Variants in CPT1C observed in about 807,000 individuals in gnomAD.
The protein encoded by CPT1C is carnitine palmitoyltransferase 1C.
A neutral mutation model predicts 97.3 loss-of-function variants in CPT1C; 61 were observed. The ratio of observed to expected loss-of-function variants is 0.63; its 90% CI spans 0.51 to 0.78. The LOEUF is 0.78. Among genes scored for constraint, CPT1C ranks in the 30% least tolerant of loss-of-function variants. The pLI, the probability that CPT1C is intolerant of heterozygous loss-of-function variation, is 0.00. For missense variants in CPT1C, 975 were observed against 1,065.5 expected (o/e 0.92, Z 1.18); for synonymous variants, 469 against 447.2 (o/e 1.05, Z -0.61).
At chr19:49,705,164 TG>T in intron 9 of CPT1C, 49 bp from the exon 10 acceptor site, 1 of 1,612,372 alleles carries the variant, frequency 6.2e-7, no homozygotes, top group Admixed American at 1.7e-5. Context: ...CTGTGGCCTT[TG>T]GGCCACGTGG....
At chr19:49,700,927 T>TGTCCCCCTCTCTCTCTGTGTCTCC in intron 5 of CPT1C, 72 bp downstream of exon 5, 1 of 1,514,938 alleles carries the variant, frequency 6.6e-7, no homozygotes, top group South Asian at 1.1e-5. Flanking sequence ...TCTGGGTCTC[T>TGTCCCCCTCTCTCTCTGTGTCTCC]GTCCCCCTCT....
At chr19:49,710,960 C>T in intron 16 of CPT1C, 103 bp downstream of exon 16, 1 of 1,229,098 alleles carries the variant, frequency 8.1e-7, no homozygotes, top group East Asian at 2.5e-5. Flanking sequence ...ACGAGGAGCA[C>T]AAGGGACAAG....
At chr19:49,712,571 A>C in intron 17 of CPT1C, 165 bp from the exon 18 acceptor site, 1 of 613,024 alleles carries the variant, frequency 1.6e-6, no homozygotes, top group South Asian at 1.9e-5. Flanking sequence ...GAGACGAGTG[A>C]GGGGCGTGGC....
At chr19:49,708,548 GT>G (rs1227352859) in intron 13 of CPT1C, among the ~76,000 whole-genome samples, 174 bp from the exon 14 acceptor site, 1 of 152,126 alleles carries the variant, frequency 6.6e-6, no homozygotes, top group African/African-American at 2.4e-5. Context: ...GAGTATTGGT[GT>G]TAGTCCTGTT....
chr19:49,695,476 G>A (rs2082616993), intron 3 of CPT1C, among the ~76,000 whole-genome samples: 1 of 151,478 alleles, frequency 6.6e-6, no homozygotes. Context: ...GTATAGACAG[G>A]GTTTCACCAT....
chr19:49,707,465 T>G, intron 12 of CPT1C, 53 bp from the exon 13 acceptor site: 1 of 1,317,912 alleles, frequency 7.6e-7, no homozygotes, highest in Non-Finnish European at 1.1e-6. Context: ...GAAAGCACTC[T>G]GAGGTCCCCG....
chr19:49,701,258 C>T, intron 5 of CPT1C, 59 bp from the exon 6 acceptor site: 1 of 1,448,358 alleles, frequency 6.9e-7, no homozygotes, highest in Non-Finnish European at 9.5e-7. Flanking sequence ...TCGACCCCTG[C>T]CCCGTCAACT....
At chr19:49,705,146 G>A (rs368063438) in intron 9 of CPT1C, 32 bp downstream of exon 9, 21 of 1,613,122 alleles carry the variant, frequency 1.3e-5, no homozygotes, top group Middle Eastern at 1.6e-4. Flanking sequence ...AGGGATGGAG[G>A]TGTGGTCCTG....
In CPT1C at chr19:49,706,067, C is replaced by A. The variant is rs373846986; in HGVS notation, c.1123C>A (p.His375Asn). 5.9e-5 allele frequency: 96 copies of A among 1,613,680 alleles called. No homozygotes were observed. Among genetic ancestry groups the A allele is most frequent in the Non-Finnish European group, 7.4e-5 (87 of 1,179,874 alleles). Residue 375 changes from histidine to asparagine, a missense_variant, in exon 11 of 20, where the codon CAC (histidine) becomes AAC (asparagine). By Grantham distance (68) the His-to-Asn change is moderately conservative (BLOSUM62 1). Coordinates refer to ENST00000598293, the MANE Select transcript of CPT1C (RefSeq NM_001199753.2). The surrounding 1 kb of genome is among the most constrained non-coding windows in gnomAD (Gnocchi z 4.8). ...GGATGATCCCTCACCGGCCTGCCCC[C>A]ACGAGGAACATCTGGCAGCTCTGAC... ...ILDDPSPACP[H>N]EEHLAALTAA...
At chr19:49,695,190 A>T (rs911104983) in intron 3 of CPT1C, among the ~76,000 whole-genome samples, 4 of 152,130 alleles carry the variant, frequency 2.6e-5, no homozygotes, top group African/African-American at 9.7e-5. Flanking sequence ...AAATACATAC[A>T]TACATAGATA....
rs752012756 is a variant in CPT1C, at chr19:49,713,064, G to A, written c.2226G>A (p.Thr742=). ...CCAGCAAAAAATCAAGCACAAAAAC[G>A]GTGAGACAAACGTGTATACCCACCA... The part of the protein sequence containing the change: ...HISSKKSSTK[T]DSHRLGQHIE... Residue 742 remains threonine (T), a splice_region_variant and synonymous_variant, in exon 19 of 20, where the codon ACG becomes ACA. Coordinates refer to ENST00000598293, the MANE Select transcript of CPT1C (RefSeq NM_001199753.2). 5.6e-6 allele frequency: 9 copies of A among 1,612,842 alleles called. No homozygotes were observed. The South Asian group carries it at 7.7e-5, about 14-fold the overall frequency.
intron 7 of CPT1C, 105 bp from the exon 8 acceptor site, chr19:49,704,605 A>C (rs1193885627): frequency 1.2e-6 from 1 of 846,234 alleles, no homozygotes; most frequent in Admixed American, 2.1e-5. Context: ...CTTTGGCTCT[A>C]TCCTCCCTGC....
At chr19:49,709,231 C>T (rs1224416477) in intron 14 of CPT1C, among the ~76,000 whole-genome samples, 2 of 151,544 alleles carry the variant, frequency 1.3e-5, no homozygotes, top group Non-Finnish European at 2.9e-5. Flanking sequence ...TAACTCCACC[C>T]CATACCAAAC....
At chr19:49,704,956 G>A (rs571192103) in intron 8 of CPT1C, 51 bp from the exon 9 acceptor site, 16 of 1,505,948 alleles carry the variant, frequency 1.1e-5, no homozygotes, top group South Asian at 9.7e-5. Context: ...TGGCTCCATC[G>A]GGGGCAAACC....
chr19:49,698,823 C>T (rs1055053534), intron 4 of CPT1C, among the ~76,000 whole-genome samples: 4 of 152,086 alleles, frequency 2.6e-5, no homozygotes, highest in East Asian at 1.9e-4. Context: ...TGCCTGTCGG[C>T]GGGATGTGGT....
chr19:49,708,886 G>A (rs750979519), intron 14 of CPT1C, 47 bp downstream of exon 14: 2 of 1,253,838 alleles, frequency 1.6e-6, no homozygotes, highest in Non-Finnish European at 2.3e-6. Context: ...AAGATTCCTA[G>A]CCTTGACTTC....
chr19:49,692,015 G>T, intron 2 of CPT1C, 126 bp downstream of exon 2: 2 of 507,702 alleles, frequency 3.9e-6, no homozygotes, highest in Non-Finnish European at 7.0e-6. Context: ...TGAGGGAGGA[G>T]GGGCTGGGGG....
intron 10 of CPT1C, 25 bp from the exon 11 acceptor site, chr19:49,705,884 A>G: frequency 6.3e-7 from 1 of 1,595,866 alleles, no homozygotes; most frequent in East Asian, 2.2e-5. Context: ...TCCTGCCCCC[A>G]TGCTTCTGCC....
At chr19:49,699,747 G>A (rs1191906373) in intron 4 of CPT1C, among the ~76,000 whole-genome samples, 4 of 152,156 alleles carry the variant, frequency 2.6e-5, no homozygotes, top group African/African-American at 9.7e-5. Context: ...CTAAGGTCAG[G>A]AGTTCGAGAG....
Sources: allele counts gnomAD v4.1 joint callset (sites outside exome capture counted in the v4.1 genomes callset), GRCh38; gene constraint gnomAD v4.1.1; non-coding constraint Gnocchi (gnomAD v3.1); transcripts MANE v1.5; gene names NCBI Gene and HGNC (gene_info 2026-07-23, HGNC 2026-07-21).